Variants in DLG2 observed in about 807,000 individuals in gnomAD.
DLG2 encodes the protein discs large MAGUK scaffold protein 2, also known as disks large homolog 2.
A neutral mutation model predicts 132.5 loss-of-function variants in DLG2; 45 were observed. The observed-to-expected ratio is 0.34, with a 90% CI of 0.27 to 0.44. DLG2 has a LOEUF of 0.44. Among genes scored for constraint, DLG2 ranks in the 20% least tolerant of loss-of-function variants. The pLI, the probability that DLG2 is intolerant of heterozygous loss-of-function variation, is 1.00. For missense variants in DLG2, 1,045 were observed against 1,196.9 expected (o/e 0.87, Z 1.87); for synonymous variants, 424 against 419.6 (o/e 1.01, Z -0.13).
At chr11:83,887,572 A>G (rs1296848333) in intron 15 of DLG2, among the ~76,000 whole-genome samples, 3 of 152,074 alleles carry the variant, frequency 2.0e-5, no homozygotes, top group Non-Finnish European at 4.4e-5. Context: ...CAATAGAAAA[A>G]GAGGGAATCC....
At position 83,626,650 on chromosome 11, in the gene DLG2, G is replaced by A. The variant is rs1020093903; in HGVS notation, c.1940+6561C>T. Among the ~76,000 whole-genome samples the A allele has an allele frequency of 3.9e-5, 6 of 152,110 alleles. No individual in the cohort carries two copies. In the South Asian group the frequency reaches 6.2e-4, roughly 16 times the overall value. ...GAAATAAGACTTTGAAATTCAGAAC[G>A]AAACTATGAGCAGAGGGCTGGAAAG... On this transcript the variant is annotated intron_variant, in intron 19 of 27. Transcript: ENST00000376104.
intron 6 of DLG2, among the ~76,000 whole-genome samples, chr11:85,015,347 T>C (rs1199838531): frequency 6.6e-6 from 1 of 151,924 alleles, no homozygotes; most frequent in African/African-American, 2.4e-5. Context: ...CATTTTATTC[T>C]TTAATTATAA....
At chr11:84,778,978 C>G (rs906797367) in intron 6 of DLG2, among the ~76,000 whole-genome samples, 2 of 152,114 alleles carry the variant, frequency 1.3e-5, no homozygotes, top group African/African-American at 4.8e-5. Flanking sequence ...GACTCTTGAA[C>G]CTACGCCAGT....
intron 16 of DLG2, among the ~76,000 whole-genome samples, chr11:83,844,512 C>T (rs188414460): frequency 8.8e-6 from 1 of 113,602 alleles, no homozygotes; most frequent in East Asian, 3.0e-4. Context: ...CGCATCACTG[C>T]ACTTTAGCTT....
chr11:84,178,427 C>G (rs1477769988), intron 8 of DLG2, among the ~76,000 whole-genome samples: 1 of 152,094 alleles, frequency 6.6e-6, no homozygotes, highest in African/African-American at 2.4e-5. Context: ...TATGAAAGGT[C>G]GTGAGTATCC....
intron 6 of DLG2, among the ~76,000 whole-genome samples, chr11:85,056,316 T>C (rs2063454015): frequency 6.6e-6 from 1 of 152,078 alleles, no homozygotes; most frequent in South Asian, 2.1e-4. Flanking sequence ...CAGAAAACTA[T>C]ATCTTTGAAA....
chr11:85,044,545 C>A (rs939710602), intron 6 of DLG2, among the ~76,000 whole-genome samples: 2 of 151,988 alleles, frequency 1.3e-5, no homozygotes, highest in African/African-American at 4.8e-5. Context: ...AACCTTCTCA[C>A]GCAACCTCCA....
intron 6 of DLG2, among the ~76,000 whole-genome samples, chr11:84,582,993 T>G (rs2099520220): frequency 6.6e-6 from 1 of 152,174 alleles, no homozygotes; most frequent in Non-Finnish European, 1.5e-5. Context: ...AAATGTCAAT[T>G]TCATGGTTTT....
chr11:83,998,362 C>G (rs780972693), intron 11 of DLG2, among the ~76,000 whole-genome samples: 1 of 152,140 alleles, frequency 6.6e-6, no homozygotes, highest in Non-Finnish European at 1.5e-5. Flanking sequence ...GAGTTTTGTA[C>G]TTGTCTCCTC....
Position 84,744,781 on chromosome 11 carries a change from G to T in DLG2, c.358-210050C>A, listed in dbSNP as rs1037097112. On this transcript the variant is annotated intron_variant, in intron 6 of 27. Transcript: ENST00000376104. ...AGAAGAAAGACAAATAAATAAGTCT[G>T]ATGGGAAGCTGTAAAGCCCACCTGC... 7.9e-5 allele frequency among the ~76,000 whole-genome samples: 12 copies of T among 151,528 alleles called. 1 individual carries two copies. Among genetic ancestry groups the T allele is most frequent in the African/African-American group, 2.9e-4 (12 of 41,192 alleles).
intron 4 of DLG2, among the ~76,000 whole-genome samples, chr11:85,238,198 AT>A (rs1195578326): frequency 2.8e-5 from 4 of 143,026 alleles, no homozygotes; most frequent in Non-Finnish European, 4.6e-5. Context: ...TTTATTTTTT[AT>A]TTTTATTTTA....
intron 3 of DLG2, among the ~76,000 whole-genome samples, chr11:85,497,932 C>G (rs999465770): frequency 6.6e-6 from 1 of 152,154 alleles, no homozygotes; most frequent in African/African-American, 2.4e-5. Flanking sequence ...GAAGGAAGCA[C>G]CAAACATGGA....
chr11:84,371,032 T>G (rs1342950833), intron 7 of DLG2, among the ~76,000 whole-genome samples: 1 of 152,112 alleles, frequency 6.6e-6, no homozygotes, highest in Non-Finnish European at 1.5e-5. Flanking sequence ...GTTGCCTACT[T>G]ATGTCCAAAG....
intron 6 of DLG2, among the ~76,000 whole-genome samples, chr11:85,046,818 T>C (rs1169778255): frequency 6.6e-6 from 1 of 151,846 alleles, no homozygotes; most frequent in Non-Finnish European, 1.5e-5. Context: ...TCCTAACTCT[T>C]TCTTCTGCTC....
chr11:85,196,015 A>C (rs541473371), intron 4 of DLG2, among the ~76,000 whole-genome samples: 3 of 152,294 alleles, frequency 2.0e-5, no homozygotes, highest in East Asian at 3.9e-4. Context: ...CTTTCTTTAA[A>C]TATTTATTTT....
Position 84,887,835 on chromosome 11 carries a change from C to T in DLG2, c.357+223826G>A, listed in dbSNP as rs1243193748. Among the ~76,000 whole-genome samples the T allele has an allele frequency of 2.0e-5, 3 of 152,248 alleles. No homozygotes were observed. The South Asian group carries it at 6.2e-4, about 32-fold the overall frequency. On this transcript the variant is annotated intron_variant, in intron 6 of 27. Coordinates refer to ENST00000376104, the MANE Select transcript of DLG2 (RefSeq NM_001142699.3). ...AAGAAGAGACTATCGATTCCCTGAG[C>T]TGCATAATGGGATTTGTTTGTTCCT... is the stretch of plus-strand genomic sequence containing the variant.
chr11:84,748,654 C>T (rs528809950), intron 6 of DLG2, among the ~76,000 whole-genome samples: 2 of 152,136 alleles, frequency 1.3e-5, no homozygotes, highest in African/African-American at 2.4e-5. Flanking sequence ...TCCTTTATTG[C>T]TGAGAGATGA....
intron 7 of DLG2, among the ~76,000 whole-genome samples, chr11:84,268,891 A>G (rs558292132): frequency 6.6e-6 from 1 of 152,298 alleles, no homozygotes; most frequent in East Asian, 1.9e-4. Flanking sequence ...GTAAATATTA[A>G]CTATCACTTT....
chr11:84,099,091 T>C (rs760274932), intron 9 of DLG2, 44 bp from the exon 10 acceptor site: 3 of 1,579,384 alleles, frequency 1.9e-6, no homozygotes, highest in Non-Finnish European at 2.6e-6. Flanking sequence ...GTCTGTCACC[T>C]AAAACCTAGT....
Sources: allele counts gnomAD v4.1 joint callset (sites outside exome capture counted in the v4.1 genomes callset), GRCh38; gene constraint gnomAD v4.1.1; transcripts MANE v1.5; gene names NCBI Gene and HGNC (gene_info 2026-07-23, HGNC 2026-07-21).